The following ABCA5 variants were observed in gnomAD, a reference collection of about 807,000 sequenced individuals.
ABCA5 encodes the protein cholesterol transporter ABCA5.
In ABCA5, 163 loss-of-function variants were observed where a neutral mutation model predicts 206.0. That is an observed-to-expected ratio of 0.79 (90% CI 0.70 to 0.90). The LOEUF is 0.90. ABCA5 is among the 40% of genes least tolerant of loss of function. The pLI is 0.00. For synonymous variants in ABCA5, 609 were observed against 613.8 expected (o/e 0.99, Z 0.11); for missense variants, 1,859 against 1,912.9 (o/e 0.97, Z 0.53).
intron 17 of ABCA5, among the ~76,000 whole-genome samples, chr17:69,284,336 T>G (rs1250954627): frequency 6.6e-6 from 1 of 152,120 alleles, no homozygotes; most frequent in African/African-American, 2.4e-5. Flanking sequence ...AACTCCAGCC[T>G]AAGTAACAGG....
At chr17:69,276,668 G>C (rs543902853) in intron 19 of ABCA5, among the ~76,000 whole-genome samples, 8 of 152,248 alleles carry the variant, frequency 5.3e-5, no homozygotes, top group African/African-American at 1.9e-4. Flanking sequence ...GTTGGGACTG[G>C]GGAGGGATAG....
chr17:69,280,394 G>A (rs964495865), intron 18 of ABCA5, among the ~76,000 whole-genome samples: 5 of 150,822 alleles, frequency 3.3e-5, no homozygotes, highest in Admixed American at 2.0e-4. Context: ...ACAGGTGCTG[G>A]AGAGGATATG....
chr17:69,290,199 G>T (rs183033172), intron 12 of ABCA5, among the ~76,000 whole-genome samples, 162 bp from the exon 13 acceptor site: 2 of 152,052 alleles, frequency 1.3e-5, no homozygotes, highest in African/African-American at 2.4e-5. Flanking sequence ...TTGGTGATCC[G>T]CATCCACTTA....
chr17:69,260,535 G>GT, intron 26 of ABCA5, 123 bp from the exon 27 acceptor site: 1 of 635,580 alleles, frequency 1.6e-6, no homozygotes, highest in South Asian at 2.4e-5. Context: ...GTTCATATTA[G>GT]TAAGTTATGT....
chr17:69,301,471 T>C (rs1171440364), intron 8 of ABCA5, among the ~76,000 whole-genome samples, 185 bp from the exon 9 acceptor site: 1 of 152,122 alleles, frequency 6.6e-6, no homozygotes, highest in Non-Finnish European at 1.5e-5. Flanking sequence ...TTTACAAAAA[T>C]GTAAGTTTAT....
intron 24 of ABCA5, among the ~76,000 whole-genome samples, chr17:69,263,806 C>T (rs1424546817): frequency 9.3e-5 from 14 of 150,638 alleles, no homozygotes; most frequent in Middle Eastern, 3.5e-3. Context: ...AAGCGATTCT[C>T]CTGCCTCAGC....
At chr17:69,256,055 A>G in intron 29 of ABCA5, 102 bp downstream of exon 29, 1 of 1,391,392 alleles carries the variant, frequency 7.2e-7, no homozygotes, top group South Asian at 1.6e-5. Flanking sequence ...TTTTTTTCAG[A>G]TTGCTTCATA....
rs370515109 is a variant in ABCA5 at position 69,250,523 on chromosome 17, C to T, written c.4634G>A (p.Arg1545His). The change falls in exon 36 of 39, where the codon CGC (arginine) becomes CAC (histidine). Residue 1545 changes from arginine to histidine, a missense_variant. Transcript: ENST00000392676. ...KDWIENLEVD[R>H]LQREIQYIFP... The stretch of plus-strand genomic sequence containing the variant: ...AATATACTGAATTTCTCTTTGAAGG[C>T]GGTCTACTTCTAGGTTTTCTATCCA... The T allele has an allele frequency of 2.4e-5, 38 of 1,601,994 alleles. No homozygotes were observed. Among genetic ancestry groups the T allele is most frequent in the South Asian group, 1.6e-4 (14 of 88,502 alleles).
intron 5 of ABCA5, 88 bp downstream of exon 5, chr17:69,308,192 T>C (rs2075737697): frequency 4.4e-6 from 3 of 686,018 alleles, no homozygotes; most frequent in East Asian, 2.8e-5. Context: ...CATTTGACAG[T>C]AGTCAAACCA....
chr17:69,316,840 T>C (rs1472210136), intron 1 of ABCA5: 1 of 152,168 alleles, frequency 6.6e-6, no homozygotes, highest in Non-Finnish European at 1.5e-5. Flanking sequence ...CATAAGAAAC[T>C]GCGGAGAAAG....
chr17:69,309,661 G>A (rs2075751352), intron 3 of ABCA5, among the ~76,000 whole-genome samples: 1 of 152,046 alleles, frequency 6.6e-6, no homozygotes, highest in Non-Finnish European at 1.5e-5. Context: ...TGGGCAACAT[G>A]GTGAGGTTCT....
Position 69,301,185 on chromosome 17 carries a change from A to G in ABCA5, c.1221T>C (p.Ser407=), listed in dbSNP as rs201366626. The G allele has an allele frequency of 6.1e-5, 97 of 1,593,570 alleles. No individual in the cohort carries two copies. Among genetic ancestry groups the G allele is most frequent in the Non-Finnish European group, 8.1e-5 (95 of 1,174,092 alleles). ...AGACAGCCAAGAGGACATAGAATAT[A>G]CTATTAAGTGTGAGCATGATAATTG... ...IITIIMLTLN[S]IFYVLLAVYL... The change falls in exon 9 of 39, where the codon AGT becomes AGC. Residue 407 remains serine (S), a synonymous_variant. Coordinates refer to ENST00000392676, the MANE Select transcript of ABCA5 (RefSeq NM_172232.4).
At chr17:69,274,852 T>TTTTTTG (rs1567760916) in intron 19 of ABCA5, among the ~76,000 whole-genome samples, 1 of 140,164 alleles carries the variant, frequency 7.1e-6, no homozygotes, top group Non-Finnish European at 1.6e-5. Flanking sequence ...TTTTTTTTTT[T>TTTTTTG]TTTTTTTTTG....
chr17:69,270,522 T>G (rs2075260540), intron 22 of ABCA5, 91 bp downstream of exon 22: 1 of 1,193,610 alleles, frequency 8.4e-7, no homozygotes, highest in East Asian at 2.8e-5. Context: ...AAGATAAATT[T>G]CTACATATTT....
rs1568087818 is a variant in ABCA5 at position 69,251,883 on chromosome 17, A to C, written c.4416-17T>G. The C allele has an allele frequency of 6.2e-7, 1 of 1,608,408 alleles. No homozygotes were observed. On this transcript the variant is annotated splice_polypyrimidine_tract_variant and intron_variant, in intron 34 of 38. Transcript: ENST00000392676. ...ATTGCTCGCCTATAAAACATAAATA[A>C]AACAAAAAGAGAGGAACACATCTGT...
intron 2 of ABCA5, among the ~76,000 whole-genome samples, chr17:69,313,992 G>T (rs968965874): frequency 6.6e-6 from 1 of 151,980 alleles, no homozygotes; most frequent in Non-Finnish European, 1.5e-5. Flanking sequence ...CGAGGTTGTG[G>T]GATATAAAAC....
chr17:69,257,262 T>A (rs1025867973), intron 28 of ABCA5, among the ~76,000 whole-genome samples: 1 of 151,370 alleles, frequency 6.6e-6, no homozygotes, highest in Non-Finnish European at 1.5e-5. Flanking sequence ...TCCCAGCTAC[T>A]TGGGAGGCTG....
intron 17 of ABCA5, among the ~76,000 whole-genome samples, chr17:69,284,390 A>G (rs1452006084): frequency 6.6e-6 from 1 of 152,030 alleles, no homozygotes; most frequent in Non-Finnish European, 1.5e-5. Flanking sequence ...AATTTTATAT[A>G]TGGGAATATA....
intron 32 of ABCA5, 118 bp from the exon 33 acceptor site, chr17:69,253,987 A>C: frequency 1.3e-6 from 1 of 787,400 alleles, no homozygotes; most frequent in South Asian, 1.9e-5. Context: ...AGCTTATTAT[A>C]AGTAGGTAAG....
Sources: gnomAD v4.1 joint callset for allele counts (sites outside exome capture counted in the v4.1 genomes callset) on GRCh38, gnomAD v4.1.1 for gene constraint, MANE v1.5 for transcripts, NCBI Gene and HGNC (gene_info 2026-07-23, HGNC 2026-07-21) for gene names.